OIP5: variants seen among roughly 807,000 people sequenced by gnomAD.
The protein encoded by OIP5 is protein Mis18-beta.
OIP5 carries 24 observed loss-of-function variants against 20.3 expected under a neutral mutation model. That is an observed-to-expected ratio of 1.18 (90% CI 0.86 to 1.66). The LOEUF (loss-of-function observed/expected upper bound fraction) is 1.66. OIP5 is among the 40% of genes most tolerant of loss of function. The probability of loss-of-function intolerance (pLI) is 0.00; values close to 1 mark genes in which losing one functional copy is unlikely to be tolerated. For missense variants in OIP5, 339 were observed against 289.5 expected (o/e 1.17, Z -1.24); for synonymous variants, 143 against 121.3 (o/e 1.18, Z -1.17).
At chr15:41,321,433 C>T (rs1182040618) in intron 2 of OIP5, among the ~76,000 whole-genome samples, 1 of 152,208 alleles carries the variant, frequency 6.6e-6, no homozygotes, top group Non-Finnish European at 1.5e-5. Flanking sequence ...TACCCAACAG[C>T]TCATTGAGAA....
At chr15:41,320,768 T>C (rs1043694605) in intron 2 of OIP5, among the ~76,000 whole-genome samples, 13 of 150,780 alleles carry the variant, frequency 8.6e-5, no homozygotes, top group South Asian at 4.2e-4. Context: ...GAGGAGCCCC[T>C]CTGCCTGGCT....
rs1224457076 is a variant in OIP5 at position 41,332,335 on chromosome 15, G to A, written c.227C>T (p.Ala76Val). ...GTGACACTGTGCGCACTGGAACACA[G>A]CGCACCTCTCAGGCTGCAGCCAAGA... The part of the protein sequence containing the change: ...LPSWLQPERC[A>V]VFQCAQCHAV... Residue 76 changes from alanine (A) to valine (V), a missense_variant, in exon 1 of 5, where the codon GCT (alanine) becomes GTT (valine). Ala to Val is a moderately conservative substitution (Grantham distance 64). Coordinates refer to ENST00000220514, the MANE Select transcript of OIP5 (RefSeq NM_007280.2). 4 of 1,611,984 alleles carry A rather than the reference G, an allele frequency of 2.5e-6. No individual in the cohort carries two copies. The highest frequency in any genetic ancestry group is 1.3e-5 in the African/African-American group (1 of 75,012).
intron 2 of OIP5, among the ~76,000 whole-genome samples, chr15:41,321,347 T>G (rs1385195641): frequency 5.0e-5 from 7 of 139,988 alleles, no homozygotes; most frequent in Admixed American, 3.6e-4. Context: ...CGCGAGGTGA[T>G]GGGCGCCTCT....
chr15:41,312,323 G>A (rs531973692), intron 4 of OIP5, among the ~76,000 whole-genome samples: 7 of 151,138 alleles, frequency 4.6e-5, no homozygotes, highest in Non-Finnish European at 7.4e-5. Flanking sequence ...CACCACGCCC[G>A]GCTAATTTTG....
intron 2 of OIP5, among the ~76,000 whole-genome samples, chr15:41,327,166 T>C (rs1227702023): frequency 6.6e-6 from 1 of 151,632 alleles, no homozygotes; most frequent in Admixed American, 6.6e-5. Flanking sequence ...CTTATTATAG[T>C]GTTTGTGGTA....
At chr15:41,314,493 G>A (rs1270391143) in intron 3 of OIP5, among the ~76,000 whole-genome samples, 1 of 152,018 alleles carries the variant, frequency 6.6e-6, no homozygotes, top group Non-Finnish European at 1.5e-5. Flanking sequence ...ATGTGACATA[G>A]TTCTGGCCAA....
intron 2 of OIP5, among the ~76,000 whole-genome samples, chr15:41,328,433 A>C (rs2047876323): frequency 6.6e-6 from 1 of 152,236 alleles, no homozygotes; most frequent in African/African-American, 2.4e-5. Flanking sequence ...TGCCATAACA[A>C]TTAGAAAAAA....
intron 2 of OIP5, among the ~76,000 whole-genome samples, chr15:41,321,158 G>T (rs955287473): frequency 6.6e-6 from 1 of 150,706 alleles, no homozygotes; most frequent in Non-Finnish European, 1.5e-5. Context: ...GAGGTGGGGG[G>T]TCAGCCCCCC....
At chr15:41,316,781 C>T (rs2047791112) in intron 3 of OIP5, among the ~76,000 whole-genome samples, 1 of 120,292 alleles carries the variant, frequency 8.3e-6, no homozygotes, top group Non-Finnish European at 1.6e-5. Context: ...CACAGCAAGA[C>T]TCCATCTCAA....
chr15:41,330,236 AT>A (rs2047889125), intron 2 of OIP5, among the ~76,000 whole-genome samples: 1 of 151,064 alleles, frequency 6.6e-6, no homozygotes, highest in Non-Finnish European at 1.5e-5. Context: ...CCTAGCTGGG[AT>A]TACAGGCATG....
At chr15:41,311,616 A>G (rs2047754787) in intron 4 of OIP5, among the ~76,000 whole-genome samples, 1 of 152,166 alleles carries the variant, frequency 6.6e-6, no homozygotes, top group South Asian at 2.1e-4. Context: ...CACCCAGGCT[A>G]GAATGCAATG....
intron 4 of OIP5, among the ~76,000 whole-genome samples, chr15:41,310,992 C>T (rs1307747901): frequency 6.6e-6 from 1 of 152,180 alleles, no homozygotes; most frequent in African/African-American, 2.4e-5. Flanking sequence ...TGATAATCTC[C>T]ATTCGCCCCT....
chr15:41,321,105 A>G, intron 2 of OIP5, among the ~76,000 whole-genome samples: 1 of 150,812 alleles, frequency 6.6e-6, no homozygotes, highest in Non-Finnish European at 1.5e-5. Flanking sequence ...CCCATCTGGG[A>G]AGTGAGGAGC....
At chr15:41,319,910 G>C (rs2047812455) in intron 2 of OIP5, 130 bp from the exon 3 acceptor site, 2 of 682,104 alleles carry the variant, frequency 2.9e-6, no homozygotes, top group East Asian at 6.3e-5. Context: ...GAATGAGACG[G>C]AAAGAATGTC....
chr15:41,330,537 G>T (rs1458968142), intron 2 of OIP5, among the ~76,000 whole-genome samples: 2 of 151,438 alleles, frequency 1.3e-5, no homozygotes, highest in Non-Finnish European at 2.9e-5. Flanking sequence ...CTGAGTAGCT[G>T]GGACTACAGG....
chr15:41,319,613 A>C (rs776285670), intron 3 of OIP5, 45 bp downstream of exon 3: 1 of 1,555,608 alleles, frequency 6.4e-7, no homozygotes, highest in South Asian at 1.2e-5. Context: ...TCTCAAAATA[A>C]ATAAAATAAA....
intron 4 of OIP5, among the ~76,000 whole-genome samples, chr15:41,312,593 G>A (rs934467484): frequency 1.3e-5 from 2 of 151,298 alleles, no homozygotes; most frequent in African/African-American, 4.9e-5. Flanking sequence ...CTAAGTAGCT[G>A]GGATTACAGG....
intron 2 of OIP5, among the ~76,000 whole-genome samples, chr15:41,329,041 G>A (rs2140467420): frequency 7.2e-6 from 1 of 139,302 alleles, no homozygotes; most frequent in African/African-American, 2.7e-5. Flanking sequence ...GCTCCAGCCT[G>A]GGTCAGAGCA....
chr15:41,316,354 A>G (rs1595499707), intron 3 of OIP5, among the ~76,000 whole-genome samples: 1 of 152,158 alleles, frequency 6.6e-6, no homozygotes, highest in African/African-American at 2.4e-5. Context: ...TCTCAGGTAT[A>G]TATTTTGTGT....
Sources: allele counts gnomAD v4.1 joint callset (sites outside exome capture counted in the v4.1 genomes callset), GRCh38; gene constraint gnomAD v4.1.1; transcripts MANE v1.5; gene names NCBI Gene and HGNC (gene_info 2026-07-23, HGNC 2026-07-21).